Variants in RBMS3 observed in about 807,000 individuals in gnomAD.
RBMS3 encodes the protein RNA-binding motif, single-stranded-interacting protein 3.
A neutral mutation model predicts 66.8 loss-of-function variants in RBMS3; 27 were observed. The observed-to-expected ratio is 0.40, with a 90% confidence interval of 0.30 to 0.56. The LOEUF is 0.56. Ranked by LOEUF, RBMS3 falls within the 20% of genes least tolerant of loss-of-function variation. The pLI is 0.40. For missense variants in RBMS3, 513 were observed against 549.5 expected, an observed-to-expected ratio of 0.93 and a Z score of 0.66; for synonymous variants, 188 against 183.0, an observed-to-expected ratio of 1.03 and a Z score of -0.22.
chr3:29,438,972 C>T (rs539583532), intron 2 of RBMS3, among the ~76,000 whole-genome samples: 36 of 152,206 alleles, frequency 2.4e-4, no homozygotes, highest in African/African-American at 8.4e-4. Context: ...AAAGGTATCT[C>T]TGAGGAAGTG....
chr3:29,654,906 A>T (rs1056953632), intron 4 of RBMS3, among the ~76,000 whole-genome samples: 1 of 151,854 alleles, frequency 6.6e-6, no homozygotes, highest in Non-Finnish European at 1.5e-5. Flanking sequence ...CCAAAATATT[A>T]ACAACTATTT....
intron 4 of RBMS3, among the ~76,000 whole-genome samples, chr3:29,609,147 A>C (rs973022993): frequency 2.6e-5 from 4 of 152,110 alleles, no homozygotes; most frequent in African/African-American, 9.7e-5. Flanking sequence ...CATAAAACTC[A>C]TCTATCAAAT....
intron 6 of RBMS3, among the ~76,000 whole-genome samples, chr3:29,860,380 A>G (rs1349990997): frequency 1.3e-5 from 2 of 152,212 alleles, no homozygotes; most frequent in Non-Finnish European, 2.9e-5. Context: ...TATCCAGAGT[A>G]AGTGACCGTT....
At position 29,796,712 on chromosome 3, in the gene RBMS3, C is replaced by CTTTTTTT. The variant is rs71295051; in HGVS notation, c.637+33734_637+33740dup. Reference sequence around the variant, plus strand: ...TGAGAAGTAATATTTTGAAAGGAATCTTTTTTTTTTTTTTTTTGGAGATGG... The same window carrying CTTTTTTT: ...TGAGAAGTAATATTTTGAAAGGAATCTTTTTTTTTTTTTTTTTTTTTTTTGGAGATGG... On this transcript the variant is annotated intron_variant, in intron 6 of 14. Coordinates refer to ENST00000383767, the MANE Select transcript of RBMS3 (RefSeq NM_001003793.3). Among the ~76,000 whole-genome samples, 10 of 115,276 alleles carry CTTTTTTT rather than the reference C, an allele frequency of 8.7e-5. 2 individuals are homozygous for CTTTTTTT. The highest frequency in any genetic ancestry group is 1.9e-4 in the Admixed American group (2 of 10,738). The allele number at this position is 115,276 out of a possible 152,430, so 75.6% of individuals were successfully genotyped here. A position where few individuals can be genotyped will look rare whatever the true frequency, so the allele number is the denominator to read the frequency against.
At chr3:29,999,146 C>A (rs1252676562) in intron 14 of RBMS3, among the ~76,000 whole-genome samples, 2 of 152,056 alleles carry the variant, frequency 1.3e-5, no homozygotes, top group Non-Finnish European at 2.9e-5. Flanking sequence ...TATGCAGCCA[C>A]AAGACACATG....
At chr3:29,880,836 C>T in intron 7 of RBMS3, 1 of 1,533,064 alleles carries the variant, frequency 6.5e-7, no homozygotes. Flanking sequence ...ATCTTGTATT[C>T]ATTCCCGACC....
At chr3:29,725,044 T>A (rs1013348438) in intron 4 of RBMS3, among the ~76,000 whole-genome samples, 5 of 152,154 alleles carry the variant, frequency 3.3e-5, no homozygotes, top group African/African-American at 1.2e-4. Context: ...GGATGATCCA[T>A]TTAGTAATGT....
At chr3:29,811,564 A>G (rs1427652574) in intron 6 of RBMS3, among the ~76,000 whole-genome samples, 2 of 152,206 alleles carry the variant, frequency 1.3e-5, no homozygotes, top group Non-Finnish European at 2.9e-5. Context: ...TAGGAAACAC[A>G]TGTAACTTTA....
chr3:29,423,665 T>C (rs1346095635), intron 1 of RBMS3, among the ~76,000 whole-genome samples: 1 of 152,230 alleles, frequency 6.6e-6, no homozygotes, highest in African/African-American at 2.4e-5. Flanking sequence ...GAATGTTCTG[T>C]GTCTACCTGT....
intron 5 of RBMS3, among the ~76,000 whole-genome samples, chr3:29,757,935 T>C (rs1002534645): frequency 5.9e-5 from 9 of 152,342 alleles, no homozygotes; most frequent in Admixed American, 3.3e-4. Context: ...TTAGCTGTCC[T>C]GTCTCATCAG....
In RBMS3 at chr3:29,435,844, G is replaced by T. The variant is rs560650992; in HGVS notation, c.248+929G>T. On this transcript the variant is annotated intron_variant, in intron 2 of 14. Coordinates refer to ENST00000383767, the MANE Select transcript of RBMS3 (RefSeq NM_001003793.3). ...AAAAAAATTAGACGGGCATGGTGGC[G>T]GGCGCCTGTAGTCCGAGCTACTCAG... Among the ~76,000 whole-genome samples the T allele has an allele frequency of 5.3e-5, 8 of 151,900 alleles. No homozygotes were observed. The East Asian group carries it at 1.6e-3, about 30-fold the overall frequency.
intron 12 of RBMS3, among the ~76,000 whole-genome samples, chr3:29,969,195 C>T (rs547888599): frequency 2.0e-5 from 3 of 152,250 alleles, no homozygotes; most frequent in South Asian, 4.1e-4. Context: ...GCCTAATAGA[C>T]AAGGCTCTAA....
chr3:29,733,144 T>C (rs995616933), intron 4 of RBMS3, among the ~76,000 whole-genome samples: 3 of 152,146 alleles, frequency 2.0e-5, no homozygotes, highest in African/African-American at 7.2e-5. Context: ...TCAATGTTTT[T>C]AAAAAATATC....
chr3:29,369,767 G>A (rs886064363), intron 1 of RBMS3, among the ~76,000 whole-genome samples: 10 of 152,130 alleles, frequency 6.6e-5, no homozygotes, highest in South Asian at 6.2e-4. Flanking sequence ...AATAAATGTA[G>A]CTAAAATTCT....
chr3:29,450,243 T>C (rs1223511010), intron 2 of RBMS3, among the ~76,000 whole-genome samples: 1 of 152,142 alleles, frequency 6.6e-6, no homozygotes, highest in African/African-American at 2.4e-5. Flanking sequence ...TGAGCAAGGA[T>C]TGACCACTGG....
chr3:29,517,690 T>C (rs1274893855), intron 3 of RBMS3, among the ~76,000 whole-genome samples: 1 of 152,214 alleles, frequency 6.6e-6, no homozygotes, highest in Non-Finnish European at 1.5e-5. Context: ...TATTGGACAG[T>C]ATGATTTTCT....
chr3:29,727,222 G>A (rs1406925563), intron 4 of RBMS3, among the ~76,000 whole-genome samples: 1 of 152,148 alleles, frequency 6.6e-6, no homozygotes, highest in African/African-American at 2.4e-5. Context: ...AACTCATGAT[G>A]GATTAAAAAC....
chr3:29,914,189 T>C (rs973531163), intron 10 of RBMS3, among the ~76,000 whole-genome samples: 2 of 151,896 alleles, frequency 1.3e-5, no homozygotes, highest in Non-Finnish European at 2.9e-5. Context: ...GAGAATATGG[T>C]GGATGCATGG....
At chr3:29,468,058 C>G (rs931559964) in intron 2 of RBMS3, among the ~76,000 whole-genome samples, 14 of 152,262 alleles carry the variant, frequency 9.2e-5, no homozygotes, top group African/African-American at 3.1e-4. Flanking sequence ...CTTTCAGCAA[C>G]TTGGTTTCTC....
Sources: allele counts gnomAD v4.1 joint callset (sites outside exome capture counted in the v4.1 genomes callset), GRCh38; gene constraint gnomAD v4.1.1; transcripts MANE v1.5; gene names NCBI Gene and HGNC (gene_info 2026-07-23, HGNC 2026-07-21).